The following STKLD1 variants were observed in gnomAD, a reference collection of about 807,000 sequenced individuals.
STKLD1 encodes the protein serine/threonine kinase-like domain-containing protein STKLD1.
A neutral mutation model predicts 80.4 loss-of-function variants in STKLD1; 79 were observed. The ratio of observed to expected loss-of-function variants is 0.98; its 90% CI spans 0.82 to 1.19. STKLD1 has a LOEUF of 1.19. STKLD1 is among the 50% of genes most tolerant of loss of function. The pLI, the probability that STKLD1 is intolerant of heterozygous loss-of-function variation, is 0.00. For missense variants in STKLD1, 841 were observed against 856.0 expected, an observed-to-expected ratio of 0.98 and a Z score of 0.22; for synonymous variants, 393 against 357.6, an observed-to-expected ratio of 1.10 and a Z score of -1.12.
At chr9:133,399,979 C>T (rs1554777335) in intron 11 of STKLD1, among the ~76,000 whole-genome samples, 3 of 152,116 alleles carry the variant, frequency 2.0e-5, no homozygotes, top group Admixed American at 1.3e-4. Flanking sequence ...GGAGGGATGG[C>T]TGCCTGGCCA....
chr9:133,382,745 AATG>A (rs1215916677), intron 2 of STKLD1, among the ~76,000 whole-genome samples: 5 of 124,014 alleles, frequency 4.0e-5, no homozygotes, highest in African/African-American at 1.2e-4. Context: ...TGATGGTGGT[AATG>A]ATGATGGTAA....
Position 133,390,233 on chromosome 9 carries a change from ACACACACACACACACAC to A in STKLD1, c.468-447_468-431del, listed in dbSNP as rs1165162270. Among the ~76,000 whole-genome samples the A allele has an allele frequency of 3.5e-4, 51 of 146,942 alleles. No individual in the cohort carries two copies. Among genetic ancestry groups the A allele is most frequent in the African/African-American group, 1.4e-3 (51 of 37,486 alleles). On this transcript the variant is annotated intron_variant, in intron 6 of 17. Coordinates refer to ENST00000371957, the MANE Select transcript of STKLD1 (RefSeq NM_153710.5). This position sits in a 1 kb window ranked among gnomAD's most constrained non-coding sequence, Gnocchi z 5.1. ...CACACACACACACACACACACACAC[ACACACACACACACACAC>A]ACCACGCAGACCATACGTACAAAGG...
intron 2 of STKLD1, among the ~76,000 whole-genome samples, chr9:133,379,658 C>G (rs2130261494): frequency 3.9e-5 from 6 of 152,252 alleles, no homozygotes; most frequent in Admixed American, 1.3e-4. Context: ...CCACCACACT[C>G]CTCACCAGGG....
chr9:133,399,287 A>G (rs1838636567), intron 11 of STKLD1, among the ~76,000 whole-genome samples: 1 of 152,168 alleles, frequency 6.6e-6, no homozygotes, highest in Non-Finnish European at 1.5e-5. Context: ...TCTATCCATC[A>G]GACCTGGATT....
chr9:133,380,906 C>T (rs1838113425), intron 2 of STKLD1, among the ~76,000 whole-genome samples: 1 of 152,056 alleles, frequency 6.6e-6, no homozygotes, highest in Non-Finnish European at 1.5e-5. Context: ...TGTGGCCTCC[C>T]GTCTTGCTTG....
At position 133,399,898 on chromosome 9, in the gene STKLD1, G is replaced by T. The variant is rs1027894919; in HGVS notation, c.1082-515G>T. Among the ~76,000 whole-genome samples the T allele has an allele frequency of 6.6e-5, 10 of 151,532 alleles. No homozygotes were observed. The South Asian group carries it at 8.4e-4, about 13-fold the overall frequency. ...TGTTTCAAAAAAAAAAAAAAAAGAG[G>T]GGGGGGTCTTGCTTCGCTCCACACT... On this transcript the variant is annotated intron_variant, in intron 11 of 17. Coordinates refer to ENST00000371957, the MANE Select transcript of STKLD1 (RefSeq NM_153710.5).
rs1838511993 is a variant in STKLD1 at position 133,394,674 on chromosome 9, T to C, written c.702+265T>C. 4 of 465,396 alleles carry C rather than the reference T, an allele frequency of 8.6e-6. No individual in the cohort carries two copies. In the Admixed American group the frequency reaches 1.4e-4, roughly 16 times the overall value. 28.8% of individuals were successfully genotyped at this position (465,396 alleles called of 1,614,324 possible). On this transcript the variant is annotated intron_variant, in intron 8 of 17. Transcript: ENST00000371957. This position sits in a 1 kb window ranked among gnomAD's most constrained non-coding sequence, Gnocchi z 4.9. ...GCGACCCTCGCAGCAGCCCTCCAGG[T>C]GGTGTCACTGACTCTTGATGGAGAA...
intron 16 of STKLD1, 119 bp from the exon 17 acceptor site, chr9:133,404,670 C>T (rs1199152200): frequency 4.9e-6 from 7 of 1,414,356 alleles, no homozygotes; most frequent in South Asian, 4.1e-5. Flanking sequence ...TCCTGGGTCC[C>T]GTCTCTTGTC....
In STKLD1 at chr9:133,405,603, C is replaced by G; in HGVS notation, c.*182C>G. On this transcript the variant is annotated 3_prime_UTR_variant, in exon 18 of 18. Transcript: ENST00000371957. The stretch of plus-strand genomic sequence containing the variant: ...GATTGAGTCACATGAGTAACTGCTC[C>G]TGGACCCGGGGACTGTCCACGAAAA... The G allele has an allele frequency of 3.6e-6, 2 of 555,358 alleles. No individual in the cohort carries two copies. Among genetic ancestry groups the G allele is most frequent in the Non-Finnish European group, 5.9e-6 (2 of 336,810 alleles). 34.4% of individuals were successfully genotyped at this position (555,358 alleles called of 1,614,324 possible). A position where few individuals can be genotyped will look rare whatever the true frequency, so the allele number is the denominator to read the frequency against.
chr9:133,399,373 A>C (rs1442851166), intron 11 of STKLD1, among the ~76,000 whole-genome samples: 2 of 151,402 alleles, frequency 1.3e-5, no homozygotes, highest in African/African-American at 4.8e-5. Flanking sequence ...TTGAGTAGGT[A>C]GCAGAGGCCT....
rs782300756 is a variant in STKLD1, at chr9:133,395,714, C to CAGA, written c.817_818insAGA (p.Leu273delinsGlnIle). On this transcript the variant is annotated protein_altering_variant, in exon 9 of 18. Coordinates refer to ENST00000371957, the MANE Select transcript of STKLD1 (RefSeq NM_153710.5). ...CCCGGATGTGGAAACCTTCAGGAAT[C>CAGA]TTCTGCCCTTGATGCTCCAGATCGA... 30 of 1,613,580 alleles carry CAGA rather than the reference C, an allele frequency of 1.9e-5. No individual in the cohort carries two copies. The South Asian group carries it at 3.2e-4, about 17-fold the overall frequency.
intron 2 of STKLD1, among the ~76,000 whole-genome samples, chr9:133,383,370 GA>G (rs1838193297): frequency 8.0e-6 from 1 of 124,644 alleles, no homozygotes; most frequent in African/African-American, 3.0e-5. Context: ...TGATGGCAGT[GA>G]TGATGGTAAT....
chr9:133,405,478 C>T lies in STKLD1; in HGVS notation c.*57C>T. Reference sequence around the variant, plus strand: ...GTGTATAGTTTTCAAGACTGCTCTCCTGCCTGCCTATTATCCCATCTCTAT... The same window carrying T: ...GTGTATAGTTTTCAAGACTGCTCTCTTGCCTGCCTATTATCCCATCTCTAT... On this transcript the variant is annotated 3_prime_UTR_variant, in exon 18 of 18. Transcript: ENST00000371957. The T allele has an allele frequency of 1.3e-6, 2 of 1,508,544 alleles. No homozygotes were observed. Among genetic ancestry groups the T allele is most frequent in the South Asian group, 2.5e-5 (2 of 79,744 alleles). The allele number at this position is 1,508,544 out of a possible 1,614,324, so 93.4% of individuals were successfully genotyped here.
At chr9:133,377,153 G>A (rs956343284) in intron 1 of STKLD1, among the ~76,000 whole-genome samples, 2 of 152,070 alleles carry the variant, frequency 1.3e-5, no homozygotes, top group Non-Finnish European at 1.5e-5. Flanking sequence ...ACTATAGGGC[G>A]TTGCCAGAGG....
intron 14 of STKLD1, 119 bp downstream of exon 14, chr9:133,403,131 T>G: frequency 2.8e-6 from 3 of 1,067,102 alleles, no homozygotes; most frequent in Non-Finnish European, 3.9e-6. Flanking sequence ...ACAACAGCCA[T>G]AGTCCGGGAA....
chr9:133,377,223 A>T (rs1419851981), intron 1 of STKLD1, among the ~76,000 whole-genome samples: 1 of 134,490 alleles, frequency 7.4e-6, no homozygotes, highest in Non-Finnish European at 1.8e-5. Context: ...TTTTCAGATT[A>T]AAAAAAAATA....
In STKLD1 at chr9:133,395,719, G is replaced by T. The variant is rs1838542631; in HGVS notation, c.822G>T (p.Leu274=). Residue 274 remains leucine (L), a synonymous_variant, in exon 9 of 18, where the codon CTG becomes CTT. Transcript: ENST00000371957. ...IPDVETFRNL[L]PLMLQIDPSD... is the part of the protein sequence containing the mutation. ...ATGTGGAAACCTTCAGGAATCTTCT[G>T]CCCTTGATGCTCCAGATCGACCCCT... 1 of 1,613,552 alleles carries T rather than the reference G, an allele frequency of 6.2e-7. No individual in the cohort carries two copies. The highest frequency in any genetic ancestry group is 8.5e-7 in the Non-Finnish European group (1 of 1,180,020).
At chr9:133,405,119 G>T in intron 17 of STKLD1, 133 bp from the exon 18 acceptor site, 1 of 1,316,438 alleles carries the variant, frequency 7.6e-7, no homozygotes, top group South Asian at 1.4e-5. Flanking sequence ...GACGCTTGGG[G>T]CTCCGGAACT....
chr9:133,402,365 A>G (rs1838730326), intron 13 of STKLD1, among the ~76,000 whole-genome samples: 1 of 152,238 alleles, frequency 6.6e-6, no homozygotes, highest in Non-Finnish European at 1.5e-5. Context: ...GACAGTTGCC[A>G]GGAGTCCATG....
Sources: gnomAD v4.1 joint callset for allele counts (sites outside exome capture counted in the v4.1 genomes callset) on GRCh38, gnomAD v4.1.1 for gene constraint, Gnocchi (gnomAD v3.1) non-coding constraint, MANE v1.5 for transcripts, NCBI Gene and HGNC (gene_info 2026-07-23, HGNC 2026-07-21) for gene names.